The following NUP35 variants were observed in gnomAD, a reference collection of about 807,000 sequenced individuals.
The protein encoded by NUP35 is nucleoporin 35.
Under a neutral mutation model 41.5 loss-of-function variants are expected in NUP35, and 25 were observed. The ratio of observed to expected loss-of-function variants is 0.60; its 90% CI spans 0.44 to 0.84. The LOEUF (loss-of-function observed/expected upper bound fraction) is 0.84, where lower values mean the gene tolerates loss of function less well. Among genes scored for constraint, NUP35 ranks in the 40% least tolerant of loss-of-function variants. The pLI is 0.00. For missense variants in NUP35, 396 were observed against 396.6 expected, an observed-to-expected ratio of 1.00 and a Z score of 0.01; for synonymous variants, 149 against 130.7, an observed-to-expected ratio of 1.14 and a Z score of -0.96.
Position 183,161,082 on chromosome 2 carries a change from A to C in NUP35, c.932A>C (p.Lys311Thr). The C allele has an allele frequency of 6.2e-7, 1 of 1,613,610 alleles. No homozygotes were observed. The highest frequency in any genetic ancestry group is 2.2e-5 in the East Asian group (1 of 44,828). Residue 311 changes from lysine to threonine, a missense_variant, in exon 9 of 9, where the codon AAA becomes ACA. Physicochemically the swap from Lys to Thr is moderately conservative, Grantham distance 78. Transcript: ENST00000295119. ...ATTTCTGACAGACAAACGCCAAAAA[A>C]AGATGAAAGTCTTGTATCCAAAGCA... ...QVISDRQTPK[K>T]DESLVSKAME...
intron 4 of NUP35, among the ~76,000 whole-genome samples, chr2:183,149,266 A>T (rs1197409175): frequency 6.6e-6 from 1 of 152,232 alleles, no homozygotes; most frequent in African/African-American, 2.4e-5. Context: ...TTGTTTATAT[A>T]GATTATAGCT....
Position 183,159,588 on chromosome 2 carries a change from C to A in NUP35, c.839C>A (p.Thr280Asn), listed in dbSNP as rs775348087. The A allele has an allele frequency of 1.2e-6, 2 of 1,613,088 alleles. No individual in the cohort carries two copies. The highest frequency in any genetic ancestry group is 2.2e-5 in the East Asian group (1 of 44,804). Residue 280 changes from threonine (T) to asparagine (N), a missense_variant, in exon 8 of 9, where the codon ACT (threonine) becomes AAT (asparagine). By Grantham distance (65) the Thr-to-Asn change is moderately conservative. Transcript: ENST00000295119. ...GGTACACCAACACAACCTGGAAGTACTCCTAGGATTTCTACCATGAGACCT... is the reference window on the plus strand; with the variant it reads ...GGTACACCAACACAACCTGGAAGTAATCCTAGGATTTCTACCATGAGACCT... ...TLGTPTQPGS[T>N]PRISTMRPLA... is the part of the protein sequence containing the mutation.
At chr2:183,130,906 C>A in intron 3 of NUP35, 1 of 1,022,024 alleles carries the variant, frequency 9.8e-7, no homozygotes. Flanking sequence ...TGTGAAAGAA[C>A]AAATGAAAAT....
At chr2:183,140,610 T>A (rs1685056079) in intron 4 of NUP35, among the ~76,000 whole-genome samples, 1 of 151,918 alleles carries the variant, frequency 6.6e-6, no homozygotes, top group Non-Finnish European at 1.5e-5. Context: ...TCACCTGAGG[T>A]CAGGAGTTCA....
intron 4 of NUP35, among the ~76,000 whole-genome samples, chr2:183,138,269 A>ATATATATATATTTTTTTTTT: frequency 3.7e-5 from 3 of 80,696 alleles, no homozygotes; most frequent in South Asian, 4.8e-4. Context: ...ATATATATAT[A>ATATATATATATTTTTTTTTT]TTTTTTTTTT....
At chr2:183,140,316 C>G (rs1324564211) in intron 4 of NUP35, among the ~76,000 whole-genome samples, 1 of 152,156 alleles carries the variant, frequency 6.6e-6, no homozygotes, top group South Asian at 2.1e-4. Context: ...CCCCCAGTGT[C>G]CAGTGAGTGT....
rs547826649 is a variant in NUP35 at position 183,161,179 on chromosome 2, T to G, written c.*48T>G. 1.3e-5 allele frequency: 18 copies of G among 1,372,186 alleles called. No homozygotes were observed. In the African/African-American group the frequency reaches 1.9e-4, roughly 14 times the overall value. The allele number at this position is 1,372,186 out of a possible 1,614,324, so 85.0% of individuals were successfully genotyped here. A position where few individuals can be genotyped will look rare whatever the true frequency, so the allele number is the denominator to read the frequency against. On this transcript the variant is annotated 3_prime_UTR_variant, in exon 9 of 9. Transcript: ENST00000295119. ...CTACACTAAAACAGAGTTAGCAGAG[T>G]GCTGCTGGTTCCTTCGGTTAGTTAT...
At chr2:183,128,029 C>T (rs770714948) in intron 1 of NUP35, among the ~76,000 whole-genome samples, 4 of 151,028 alleles carry the variant, frequency 2.6e-5, no homozygotes, top group African/African-American at 7.3e-5. Context: ...GCTGAGATTG[C>T]GCCACTGCAC....
At chr2:183,121,103 T>C (rs914754764), upstream of NUP35, among the ~76,000 whole-genome samples, 2 of 151,886 alleles carry the variant, frequency 1.3e-5, no homozygotes, top group African/African-American at 2.4e-5. Context: ...AAATAGGAAG[T>C]GTAGCATCAC....
chr2:183,151,602 T>A lies in NUP35; in HGVS notation c.492T>A (p.Ser164=). ...QLDPFYTQGD[S]LTSEDHLDDS... is the part of the protein sequence containing the mutation. ...ATCCTTTTTATACTCAAGGAGATTC[T>A]TTGACTTCAGAAGATCACCTCGATG... is the stretch of plus-strand genomic sequence containing the variant. The change falls in exon 5 of 9, where the codon TCT becomes TCA. Residue 164 remains serine, a synonymous_variant. Transcript: ENST00000295119. The A allele has an allele frequency of 6.2e-7, 1 of 1,613,898 alleles. No individual in the cohort carries two copies. Among genetic ancestry groups the A allele is most frequent in the Non-Finnish European group, 8.5e-7 (1 of 1,179,778 alleles).
chr2:183,136,623 G>C (rs1386798037), intron 4 of NUP35, among the ~76,000 whole-genome samples: 1 of 152,154 alleles, frequency 6.6e-6, no homozygotes, highest in Non-Finnish European at 1.5e-5. Context: ...GCCTTCTGCT[G>C]GTGGTTAGAG....
intron 2 of NUP35, among the ~76,000 whole-genome samples, chr2:183,130,071 A>C (rs1213161319): frequency 1.3e-5 from 2 of 152,218 alleles, no homozygotes; most frequent in African/African-American, 2.4e-5. Flanking sequence ...TTTTGTATTT[A>C]AATGTTAAGC....
intron 5 of NUP35, among the ~76,000 whole-genome samples, chr2:183,154,621 ATTG>A (rs776217828): frequency 6.6e-6 from 1 of 152,134 alleles, no homozygotes; most frequent in Non-Finnish European, 1.5e-5. Context: ...CTTGGAACTT[ATTG>A]TTCATATCAC....
chr2:183,150,695 G>A (rs1685442343), intron 4 of NUP35, among the ~76,000 whole-genome samples: 1 of 152,068 alleles, frequency 6.6e-6, no homozygotes, highest in African/African-American at 2.4e-5. Flanking sequence ...GGCTCCAATA[G>A]GGATGGATTT....
intron 4 of NUP35, among the ~76,000 whole-genome samples, chr2:183,136,043 G>C (rs1684864061): frequency 6.6e-6 from 1 of 152,246 alleles, no homozygotes; most frequent in Non-Finnish European, 1.5e-5. Context: ...TCTTGAGGCA[G>C]TCTGTGAGCA....
At chr2:183,158,226 C>T in intron 6 of NUP35, 57 bp from the exon 7 acceptor site, 2 of 1,192,748 alleles carry the variant, frequency 1.7e-6, no homozygotes, top group South Asian at 2.3e-5. Flanking sequence ...TAGTAGAATT[C>T]ATTAGATGTA....
chr2:183,147,261 T>C (rs2675082), intron 4 of NUP35, among the ~76,000 whole-genome samples: 74,966 of 151,974 alleles, frequency 0.49, 19,871 homozygotes, highest in African/African-American at 0.69. Context: ...CGATATGAGT[T>C]GTAAAGTCTT....
At chr2:183,157,176 C>T (rs1397875663) in intron 5 of NUP35, among the ~76,000 whole-genome samples, 4 of 151,968 alleles carry the variant, frequency 2.6e-5, no homozygotes, top group Non-Finnish European at 1.5e-5. Flanking sequence ...TGGATAATGG[C>T]AACGAGAGTA....
At chr2:183,154,573 G>A (rs371572546) in intron 5 of NUP35, among the ~76,000 whole-genome samples, 3 of 152,008 alleles carry the variant, frequency 2.0e-5, no homozygotes, top group South Asian at 2.1e-4. Flanking sequence ...TGCTCCAGTC[G>A]CCAACAAGTT....
Sources: gnomAD v4.1 joint callset for allele counts (sites outside exome capture counted in the v4.1 genomes callset) on GRCh38, gnomAD v4.1.1 for gene constraint, MANE v1.5 for transcripts, NCBI Gene and HGNC (gene_info 2026-07-23, HGNC 2026-07-21) for gene names.